The following EVL variants were observed in gnomAD, a reference collection of about 807,000 sequenced individuals.
EVL encodes the protein Enah/Vasp-like, also known as ena/VASP-like protein.
EVL carries 21 observed loss-of-function variants against 59.6 expected under a neutral mutation model. The ratio of observed to expected loss-of-function variants is 0.35; its 90% CI spans 0.25 to 0.51. EVL has a LOEUF of 0.51. Ranked by LOEUF, EVL falls within the 20% of genes least tolerant of loss-of-function variation. EVL has a pLI of 0.97. For synonymous variants in EVL, 198 were observed against 203.5 expected, an observed-to-expected ratio of 0.97 and a Z score of 0.23; for missense variants, 462 against 546.6, an observed-to-expected ratio of 0.85 and a Z score of 1.54.
intron 2 of EVL, among the ~76,000 whole-genome samples, chr14:100,087,255 C>G (rs1433088247): frequency 6.6e-6 from 1 of 152,200 alleles, no homozygotes; most frequent in Non-Finnish European, 1.5e-5. Context: ...TAGCCAAAAT[C>G]TAACCTAAAT....
At position 100,130,626 on chromosome 14, in the gene EVL, C is replaced by T. The variant is rs1888375028; in HGVS notation, c.839+942C>T. Among the ~76,000 whole-genome samples, 1 of 152,216 alleles carries T rather than the reference C, an allele frequency of 6.6e-6. No individual in the cohort carries two copies. The highest frequency in any genetic ancestry group is 1.5e-5 in the Non-Finnish European group (1 of 68,042). ...GGGTCTTCACACTGCAGTCCTAGTT[C>T]CTCTCATTACCTTCCCGTGGCTCCA... On this transcript the variant is annotated intron_variant, in intron 7 of 13. Transcript: ENST00000392920. The surrounding 1 kb of genome is among the most constrained non-coding windows in gnomAD (Gnocchi z 4.8).
intron 11 of EVL, chr14:100,139,459 AG>A: frequency 6.6e-6 from 1 of 152,452 alleles, no homozygotes; most frequent in African/African-American, 2.4e-5. Flanking sequence ...GGCGAGGTGG[AG>A]CAGTCGGCCC....
chr14:100,122,228 A>G (rs968119566), intron 3 of EVL, among the ~76,000 whole-genome samples: 1 of 152,132 alleles, frequency 6.6e-6, no homozygotes, highest in Non-Finnish European at 1.5e-5. Context: ...TCTTTCTTCA[A>G]GCTGGTCTCA....
intron 1 of EVL, among the ~76,000 whole-genome samples, chr14:100,001,642 C>A (rs761666499): frequency 6.6e-6 from 1 of 152,148 alleles, no homozygotes; most frequent in Admixed American, 6.5e-5. Flanking sequence ...GGATTTGTAC[C>A]ATCAAATAAC....
Position 100,016,248 on chromosome 14 carries a change from A to G in EVL, c.5+44191A>G, listed in dbSNP as rs193114091. The stretch of plus-strand genomic sequence containing the variant: ...TTTAAAAAACAAAAACAAAAACAAA[A>G]CACTGGGCGTTGTGGCTCACGCCTG... On this transcript the variant is annotated intron_variant, in intron 1 of 13. Coordinates refer to the EVL transcript ENST00000402714. 1.1e-4 allele frequency among the ~76,000 whole-genome samples: 17 copies of G among 148,146 alleles called. No homozygotes were observed. The East Asian group carries it at 3.2e-3, about 28-fold the overall frequency.
At chr14:100,119,308 T>C (rs1018032564) in intron 3 of EVL, among the ~76,000 whole-genome samples, 1 of 152,226 alleles carries the variant, frequency 6.6e-6, no homozygotes, top group African/African-American at 2.4e-5. Context: ...GGGTGAGAGT[T>C]TTCTTAGTTG....
chr14:100,026,272 A>G (rs1368067400), intron 1 of EVL, among the ~76,000 whole-genome samples: 2 of 151,958 alleles, frequency 1.3e-5, no homozygotes, highest in African/African-American at 2.4e-5. Context: ...TGTTGTGTCC[A>G]TAGTGCCTTG....
At chr14:100,005,359 A>G (rs1316795500) in intron 1 of EVL, among the ~76,000 whole-genome samples, 1 of 152,290 alleles carries the variant, frequency 6.6e-6, no homozygotes, top group East Asian at 1.9e-4. Context: ...TAATATCAAT[A>G]TCTTATTTAT....
chr14:100,015,924 T>TAA (rs1241415589), intron 1 of EVL, among the ~76,000 whole-genome samples: 1 of 150,848 alleles, frequency 6.6e-6, no homozygotes, highest in Non-Finnish European at 1.5e-5. Flanking sequence ...TAAAATAAAA[T>TAA]AAAAATTAGC....
intron 3 of EVL, among the ~76,000 whole-genome samples, chr14:100,118,761 A>T (rs1196125763): frequency 6.6e-6 from 1 of 152,080 alleles, no homozygotes; most frequent in Non-Finnish European, 1.5e-5. Flanking sequence ...AGTCTGGCCC[A>T]GCCTTCCCTC....
chr14:100,047,142 T>TTTTTTTTTTTTTTTTTTTTC (rs2061566331), intron 1 of EVL, among the ~76,000 whole-genome samples: 1 of 143,174 alleles, frequency 7.0e-6, no homozygotes, highest in Non-Finnish European at 1.5e-5. Context: ...TTTTTTTTTT[T>TTTTTTTTTTTTTTTTTTTTC]TTTACCTGAC....
Position 100,125,720 on chromosome 14 carries a change from T to C in EVL, c.423-987T>C, listed in dbSNP as rs1256864119. ...ACAGGCGCGCGCCACCACACCCAGCTCATTTTTGTATTTTTAGTAGAGATG... is the reference window on the plus strand; with the variant it reads ...ACAGGCGCGCGCCACCACACCCAGCCCATTTTTGTATTTTTAGTAGAGATG... On this transcript the variant is annotated intron_variant, in intron 4 of 13. Transcript: ENST00000392920. 1.1e-4 allele frequency among the ~76,000 whole-genome samples: 17 copies of C among 151,816 alleles called. 1 individual carries two copies. The highest frequency in any genetic ancestry group is 2.9e-5 in the Non-Finnish European group (2 of 67,976).
chr14:100,065,424 G>A lies in EVL; in HGVS notation c.-77G>A. The A allele has an allele frequency of 7.6e-7, 1 of 1,321,408 alleles. No homozygotes were observed. The highest frequency in any genetic ancestry group is 9.8e-7 in the Non-Finnish European group (1 of 1,021,232). The allele number at this position is 1,321,408 out of a possible 1,614,324, so 81.9% of individuals were successfully genotyped here. A position where few individuals can be genotyped will look rare whatever the true frequency, so the allele number is the denominator to read the frequency against. On this transcript the variant is annotated 5_prime_UTR_variant, in exon 1 of 14. Coordinates refer to ENST00000392920, the MANE Select transcript of EVL (RefSeq NM_016337.3). Reference sequence around the variant, plus strand: ...AAGTTGCTGTCTTCAGAGGGTCTGTGGTCCTCTGATCAACATAGGCTGGTG... The same window carrying A: ...AAGTTGCTGTCTTCAGAGGGTCTGTAGTCCTCTGATCAACATAGGCTGGTG...
chr14:100,115,280 G>A (rs542421527), intron 3 of EVL, among the ~76,000 whole-genome samples: 3 of 152,312 alleles, frequency 2.0e-5, no homozygotes, highest in African/African-American at 7.2e-5. Flanking sequence ...GCTGGAGACT[G>A]GGTCTAGCCC....
rs994761599 is a variant in EVL, at chr14:100,121,030, G to A, written c.359-2509G>A. ...CTCCTGTGGAATCCAAGCTCAGCTC[G>A]GGCGACGAGAGGTGGCTCCAAGGTG... is the stretch of plus-strand genomic sequence containing the variant. On this transcript the variant is annotated intron_variant, in intron 3 of 13. Coordinates refer to ENST00000392920, the MANE Select transcript of EVL (RefSeq NM_016337.3). Among the ~76,000 whole-genome samples, 5 of 152,184 alleles carry A rather than the reference G, an allele frequency of 3.3e-5. No homozygotes were observed. In the South Asian group the frequency reaches 8.3e-4, roughly 25 times the overall value.
chr14:100,070,077 A>G (rs950842508), intron 1 of EVL, among the ~76,000 whole-genome samples: 1 of 151,248 alleles, frequency 6.6e-6, no homozygotes. Flanking sequence ...AAAAAAAAAA[A>G]AAGAAAGAAA....
intron 1 of EVL, among the ~76,000 whole-genome samples, chr14:100,038,792 G>GTGTGTGTGTGTGTGTT (rs2061426467): frequency 1.3e-5 from 2 of 151,880 alleles, no homozygotes; most frequent in African/African-American, 2.4e-5. Flanking sequence ...GTGTGTGTGT[G>GTGTGTGTGTGTGTGTT]TGTGTGTGTG....
chr14:100,141,789 C>G lies in EVL; in HGVS notation c.1215C>G (p.Ile405Met). ...RELHKVKEEI[I>M]DAIRQELSGI... is the part of the protein sequence containing the mutation. ...TCCACAAGGTGAAGGAGGAGATCAT[C>G]GACGGTGAGTGCAGCCCCACCGGGG... The change falls in exon 13 of 14, where the codon ATC (isoleucine) becomes ATG (methionine). Residue 405 changes from isoleucine (I) to methionine (M), a missense_variant. By Grantham distance (10) the Ile-to-Met change is conservative. Coordinates refer to ENST00000392920, the MANE Select transcript of EVL (RefSeq NM_016337.3). The G allele has an allele frequency of 6.2e-7, 1 of 1,613,050 alleles. No individual in the cohort carries two copies. Among genetic ancestry groups the G allele is most frequent in the Non-Finnish European group, 8.5e-7 (1 of 1,179,864 alleles).
chr14:100,124,176 G>C (rs555138735), intron 4 of EVL, among the ~76,000 whole-genome samples: 23 of 152,350 alleles, frequency 1.5e-4, no homozygotes, highest in African/African-American at 4.3e-4. Context: ...ACCCAGGTCT[G>C]CCCTCTCAGC....
Sources: gnomAD v4.1 joint callset for allele counts (sites outside exome capture counted in the v4.1 genomes callset) on GRCh38, gnomAD v4.1.1 for gene constraint, Gnocchi (gnomAD v3.1) non-coding constraint, MANE v1.5 for transcripts, NCBI Gene and HGNC (gene_info 2026-07-23, HGNC 2026-07-21) for gene names.